Variants in PCDHA8 observed in about 807,000 individuals in gnomAD.
PCDHA8 encodes the protein protocadherin alpha-8.
PCDHA8 carries 53 observed loss-of-function variants against 61.8 expected under a neutral mutation model. That is an observed-to-expected ratio of 0.86 (90% CI 0.69 to 1.08). The LOEUF is 1.08. Ranked by LOEUF, PCDHA8 falls within the 50% of genes least tolerant of loss-of-function variation. The pLI is 0.00. For synonymous variants in PCDHA8, 618 were observed against 556.6 expected (o/e 1.11, Z -1.55); for missense variants, 1,293 against 1,245.0 (o/e 1.04, Z -0.58).
At chr5:140,924,894 CAAAAA>C (rs782133089) in intron 1 of PCDHA8, among the ~76,000 whole-genome samples, 149 of 71,508 alleles carry the variant, frequency 2.1e-3, no homozygotes, top group African/African-American at 5.7e-3. Context: ...GAACCTGTCT[CAAAAA>C]AAAAAATAAA....
At chr5:140,992,023 G>C (rs1415968916) in intron 3 of PCDHA8, among the ~76,000 whole-genome samples, 2 of 148,226 alleles carry the variant, frequency 1.3e-5, no homozygotes, top group African/African-American at 4.9e-5. Flanking sequence ...GGCTCTGTGT[G>C]TGTGTGTGTG....
Position 140,841,949 on chromosome 5 carries a change from T to A in PCDHA8, c.628T>A (p.Leu210Ile). The change falls in exon 1 of 4, where the codon TTA (leucine) becomes ATA (isoleucine). Residue 210 changes from leucine (L) to isoleucine (I), a missense_variant. By Grantham distance (5) the Leu-to-Ile change is conservative. Transcript: ENST00000531613. ...LDREDAPAHH[L>I]FLTATDGGKP... ...CAGAGAGGACGCTCCTGCGCACCAC[T>A]TATTCCTGACAGCCACAGATGGGGG... is the stretch of plus-strand genomic sequence containing the variant. The A allele has an allele frequency of 1.2e-6, 2 of 1,613,920 alleles. No homozygotes were observed. The highest frequency in any genetic ancestry group is 1.7e-6 in the Non-Finnish European group (2 of 1,179,868).
intron 1 of PCDHA8, chr5:140,857,582 G>T: frequency 6.3e-7 from 1 of 1,596,726 alleles, no homozygotes; most frequent in Non-Finnish European, 8.6e-7. Flanking sequence ...GGTGCACGCG[G>T]AGAGCGGCAA....
intron 1 of PCDHA8, among the ~76,000 whole-genome samples, chr5:140,913,855 T>C (rs1554196077): frequency 6.6e-6 from 1 of 152,220 alleles, no homozygotes; most frequent in Admixed American, 6.5e-5. Context: ...TTCAGGAGCA[T>C]ATTGTTTAAT....
At chr5:140,870,654 C>A in intron 1 of PCDHA8, 2 of 1,612,562 alleles carry the variant, frequency 1.2e-6, no homozygotes, top group Non-Finnish European at 1.7e-6. Flanking sequence ...GCAAGGTGTA[C>A]GCGCTGCAGC....
At chr5:140,927,973 C>G (rs77078209) in intron 1 of PCDHA8, 1 of 1,614,216 alleles carries the variant, frequency 6.2e-7, no homozygotes, top group Non-Finnish European at 8.5e-7. Context: ...AGTGATTGCT[C>G]TCTTTAGTGT....
At chr5:140,952,261 C>T (rs246037) in intron 1 of PCDHA8, among the ~76,000 whole-genome samples, 85,112 of 150,858 alleles carry the variant, frequency 0.56, 24,616 homozygotes, top group African/African-American at 0.69. Flanking sequence ...GATTCCCATT[C>T]TGGGGTCTTG....
At chr5:140,965,356 A>T (rs1554227617) in intron 1 of PCDHA8, among the ~76,000 whole-genome samples, 3 of 152,194 alleles carry the variant, frequency 2.0e-5, no homozygotes, top group African/African-American at 7.2e-5. Flanking sequence ...CCTCTATAGC[A>T]GTACAAGAGG....
chr5:140,918,473 T>G (rs1385942505), intron 1 of PCDHA8, among the ~76,000 whole-genome samples: 1 of 152,284 alleles, frequency 6.6e-6, no homozygotes, highest in East Asian at 1.9e-4. Context: ...ATTCCAAGTC[T>G]CAAGGGGAAT....
At chr5:140,870,273 C>T in intron 1 of PCDHA8, 10 of 1,614,192 alleles carry the variant, frequency 6.2e-6, no homozygotes, top group Non-Finnish European at 8.5e-6. Flanking sequence ...CGCTGACGCC[C>T]CACGTTCCCT....
rs77308266 is a variant in PCDHA8 at position 140,916,313 on chromosome 5, A to C, written c.2395-62636A>C. On this transcript the variant is annotated intron_variant, in intron 1 of 3. Transcript: ENST00000531613. ...GCCAAACTGGTACCAAAGGTGCAAG[A>C]CAAAGTCCCCTTTACTTTTTCCTCT... Among the ~76,000 whole-genome samples the C allele has an allele frequency of 8.0e-3, 1,216 of 152,336 alleles. 6 individuals are homozygous for C. The highest frequency in any genetic ancestry group is 0.019 in the African/African-American group (784 of 41,584).
chr5:140,979,949 A>G (rs1554241287), intron 2 of PCDHA8, among the ~76,000 whole-genome samples: 2 of 152,248 alleles, frequency 1.3e-5, no homozygotes, highest in African/African-American at 4.8e-5. Context: ...TTAATGTGAA[A>G]TTAGTTTTAG....
chr5:140,880,743 T>C (rs976006299), intron 1 of PCDHA8, among the ~76,000 whole-genome samples: 7 of 152,212 alleles, frequency 4.6e-5, no homozygotes, highest in African/African-American at 1.7e-4. Flanking sequence ...AAATGGATTG[T>C]CAGTGTAACT....
intron 1 of PCDHA8, chr5:140,856,936 A>C: frequency 6.3e-7 from 1 of 1,594,202 alleles, no homozygotes. Flanking sequence ...GGATAAACGA[A>C]AGGACGGGAG....
In PCDHA8 at chr5:140,883,629, C is replaced by T. The variant is rs1467301210; in HGVS notation, c.2394+39914C>T. ...GCCGACGTGAACGACAACGCGCCGGCGTTCGCGCAGCCCGAGTACACGGTG... is the reference window on the plus strand; with the variant it reads ...GCCGACGTGAACGACAACGCGCCGGTGTTCGCGCAGCCCGAGTACACGGTG... On this transcript the variant is annotated intron_variant, in intron 1 of 3. Transcript: ENST00000531613. 6.2e-7 allele frequency: 1 copy of T among 1,613,868 alleles called. No individual in the cohort carries two copies. Among genetic ancestry groups the T allele is most frequent in the African/African-American group, 1.3e-5 (1 of 74,936 alleles).
Position 140,857,147 on chromosome 5 carries a change from G to A in PCDHA8, c.2394+13432G>A, listed in dbSNP as rs145115378. 1.4e-4 allele frequency: 222 copies of A among 1,598,286 alleles called. 15 individuals carry two copies. The African/African-American group carries it at 2.2e-3, about 15-fold the overall frequency. ...GAAAGAAGATGCTCAAGTGGGCACC[G>A]TCATTGCCCTAATCAGCGTTTCTGA... On this transcript the variant is annotated intron_variant, in intron 1 of 3. Coordinates refer to ENST00000531613, the MANE Select transcript of PCDHA8 (RefSeq NM_018911.3).
chr5:140,884,350 G>A, intron 1 of PCDHA8: 1 of 1,613,918 alleles, frequency 6.2e-7, no homozygotes, highest in South Asian at 1.1e-5. Flanking sequence ...CGGCGCTGGT[G>A]GATGTCAATG....
intron 1 of PCDHA8, chr5:140,875,208 C>T (rs1297860404): frequency 3.0e-6 from 2 of 668,426 alleles, no homozygotes; most frequent in Non-Finnish European, 2.2e-6. Context: ...GTGGCTAAAC[C>T]GAAAAGAACC....
chr5:140,988,193 A>G (rs528689173), intron 3 of PCDHA8, among the ~76,000 whole-genome samples: 4 of 152,192 alleles, frequency 2.6e-5, no homozygotes, highest in South Asian at 2.1e-4. Flanking sequence ...AGGTGTGTGC[A>G]TATCCTTATT....
Sources: gnomAD v4.1 joint callset for allele counts (sites outside exome capture counted in the v4.1 genomes callset) on GRCh38, gnomAD v4.1.1 for gene constraint, MANE v1.5 for transcripts, NCBI Gene and HGNC (gene_info 2026-07-23, HGNC 2026-07-21) for gene names.